Variants in STXBP5L observed in about 807,000 individuals in gnomAD.
STXBP5L encodes syntaxin-binding protein 5-like.
Under a neutral mutation model 144.5 loss-of-function variants are expected in STXBP5L, and 65 were observed. The observed-to-expected ratio is 0.45, with a 90% CI of 0.37 to 0.55. The LOEUF is 0.55. Among genes scored for constraint, STXBP5L ranks in the 20% least tolerant of loss-of-function variants. The pLI is 0.00. For missense variants in STXBP5L, 1,298 were observed against 1,405.5 expected (o/e 0.92, Z 1.22); for synonymous variants, 505 against 469.6 (o/e 1.08, Z -0.97).
At chr3:121,403,097 C>G (rs1286195611) in intron 22 of STXBP5L, among the ~76,000 whole-genome samples, 4 of 152,150 alleles carry the variant, frequency 2.6e-5, no homozygotes, top group Admixed American at 1.3e-4. Context: ...AAAATTGAAA[C>G]AATCAGATAA....
chr3:121,305,482 C>T (rs1352123612), intron 19 of STXBP5L, among the ~76,000 whole-genome samples: 1 of 151,980 alleles, frequency 6.6e-6, no homozygotes, highest in Non-Finnish European at 1.5e-5. Flanking sequence ...GTGGATTTAT[C>T]CCAGGAATGC....
chr3:120,922,475 C>T (rs1709404351), intron 2 of STXBP5L, among the ~76,000 whole-genome samples: 1 of 151,930 alleles, frequency 6.6e-6, no homozygotes, highest in African/African-American at 2.4e-5. Context: ...TGCCTAATTG[C>T]TATAGTCAGG....
At chr3:121,376,897 A>T (rs1234793364) in intron 20 of STXBP5L, among the ~76,000 whole-genome samples, 1 of 151,888 alleles carries the variant, frequency 6.6e-6, no homozygotes, top group Non-Finnish European at 1.5e-5. Flanking sequence ...GTCCTCTTTT[A>T]TTTCTTTGAG....
chr3:121,026,799 A>G (rs943591878), intron 3 of STXBP5L, among the ~76,000 whole-genome samples: 6 of 152,028 alleles, frequency 3.9e-5, no homozygotes, highest in African/African-American at 1.4e-4. Flanking sequence ...ATACATATGT[A>G]ACAAACCTTC....
chr3:121,306,020 G>A (rs916235108), intron 19 of STXBP5L, among the ~76,000 whole-genome samples: 1 of 152,108 alleles, frequency 6.6e-6, no homozygotes, highest in East Asian at 1.9e-4. Context: ...AAAATACCAT[G>A]TACAGGATAG....
intron 9 of STXBP5L, among the ~76,000 whole-genome samples, chr3:121,172,881 G>A (rs2046782109): frequency 6.6e-6 from 1 of 152,166 alleles, no homozygotes; most frequent in Admixed American, 6.6e-5. Context: ...ACATGCACAT[G>A]TATGTTTATT....
At chr3:120,933,640 T>C (rs1559884730) in intron 2 of STXBP5L, among the ~76,000 whole-genome samples, 1 of 152,178 alleles carries the variant, frequency 6.6e-6, no homozygotes, top group East Asian at 1.9e-4. Context: ...GCATAGGGCA[T>C]AGTCACAGAA....
In STXBP5L at chr3:121,421,655, A is replaced by C. The variant is rs1264021207; in HGVS notation, c.*2558A>C. ...ATTACATGTGTGGTTCATATGCAAT[A>C]AGATACAATTTTGAAGAAAGCTTAT... On this transcript the variant is annotated 3_prime_UTR_variant, in exon 27 of 27. Coordinates refer to ENST00000471454, the MANE Select transcript of STXBP5L (RefSeq NM_001308330.2). The C allele has an allele frequency of 6.6e-6, 1 of 152,232 alleles. No individual in the cohort carries two copies. Among genetic ancestry groups the C allele is most frequent in the African/African-American group, 2.4e-5 (1 of 41,468 alleles). 9.4% of individuals were successfully genotyped at this position (152,232 alleles called of 1,614,324 possible).
chr3:121,117,312 T>C (rs531220445), intron 6 of STXBP5L, among the ~76,000 whole-genome samples: 1 of 152,016 alleles, frequency 6.6e-6, no homozygotes, highest in South Asian at 2.1e-4. Flanking sequence ...CTGAAAATGT[T>C]CTTGAAATAT....
At chr3:121,371,158 G>C (rs1477432070) in intron 20 of STXBP5L, among the ~76,000 whole-genome samples, 1 of 152,186 alleles carries the variant, frequency 6.6e-6, no homozygotes, top group Non-Finnish European at 1.5e-5. Context: ...AGTCTTTGAA[G>C]TTGTTGTCCT....
chr3:121,322,199 C>T (rs1356671533), intron 20 of STXBP5L, among the ~76,000 whole-genome samples: 4 of 152,298 alleles, frequency 2.6e-5, no homozygotes, highest in African/African-American at 4.8e-5. Context: ...TGATTTTTGG[C>T]TGGGCGCCGT....
intron 13 of STXBP5L, 62 bp from the exon 14 acceptor site, chr3:121,240,378 T>G (rs1211454410): frequency 2.1e-6 from 3 of 1,463,344 alleles, no homozygotes; most frequent in Admixed American, 1.8e-5. Flanking sequence ...TAAGCTATTT[T>G]CATTTTAAAT....
At chr3:120,994,162 A>C (rs1287361396) in intron 3 of STXBP5L, among the ~76,000 whole-genome samples, 1 of 151,752 alleles carries the variant, frequency 6.6e-6, no homozygotes, top group East Asian at 1.9e-4. Context: ...AACTTTAATG[A>C]ATTTGTTTAT....
chr3:121,052,993 A>G (rs981605094), intron 5 of STXBP5L, among the ~76,000 whole-genome samples: 1 of 152,204 alleles, frequency 6.6e-6, no homozygotes, highest in African/African-American at 2.4e-5. Flanking sequence ...ACTCCCATTC[A>G]CAATTGCTTC....
chr3:120,957,401 TAA>T (rs1337853264), intron 3 of STXBP5L, among the ~76,000 whole-genome samples: 3 of 152,006 alleles, frequency 2.0e-5, no homozygotes, highest in Non-Finnish European at 2.9e-5. Context: ...TTGATAATGA[TAA>T]GTGATTTTTA....
At chr3:120,935,170 T>C (rs1214628223) in intron 2 of STXBP5L, among the ~76,000 whole-genome samples, 1 of 151,908 alleles carries the variant, frequency 6.6e-6, no homozygotes, top group Non-Finnish European at 1.5e-5. Context: ...CTTATTTTTA[T>C]ACTTTTTTTA....
chr3:121,040,341 T>G (rs1947062446), intron 3 of STXBP5L, among the ~76,000 whole-genome samples: 1 of 152,120 alleles, frequency 6.6e-6, no homozygotes, highest in African/African-American at 2.4e-5. Flanking sequence ...GAGGAATTTT[T>G]CCTCATACTG....
At chr3:121,256,542 A>G (rs140680966) in intron 16 of STXBP5L, among the ~76,000 whole-genome samples, 2 of 152,010 alleles carry the variant, frequency 1.3e-5, no homozygotes, top group African/African-American at 2.4e-5. Context: ...AGTAATTCTG[A>G]TCTGCTAATT....
At chr3:121,182,360 T>C (rs1435387300) in intron 9 of STXBP5L, among the ~76,000 whole-genome samples, 1 of 152,202 alleles carries the variant, frequency 6.6e-6, no homozygotes, top group Non-Finnish European at 1.5e-5. Context: ...AAATTTATTT[T>C]AAAAGGAATC....
Sources: gnomAD v4.1 joint callset for allele counts (sites outside exome capture counted in the v4.1 genomes callset) on GRCh38, gnomAD v4.1.1 for gene constraint, MANE v1.5 for transcripts, NCBI Gene and HGNC (gene_info 2026-07-23, HGNC 2026-07-21) for gene names.